The following PRKACB variants were observed in gnomAD, a reference collection of about 807,000 sequenced individuals.
PRKACB encodes cAMP-dependent protein kinase catalytic subunit beta.
In PRKACB, 16 loss-of-function variants were observed where a neutral mutation model predicts 51.4. The observed-to-expected ratio is 0.31, with a 90% CI of 0.21 to 0.47. The LOEUF (loss-of-function observed/expected upper bound fraction) is 0.47, where lower values mean the gene tolerates loss of function less well. PRKACB is among the 20% of genes least tolerant of loss of function. The pLI is 1.00. For missense variants in PRKACB, 309 were observed against 464.5 expected (o/e 0.67, Z 3.08); for synonymous variants, 147 against 154.4 (o/e 0.95, Z 0.35).
intron 1 of PRKACB, among the ~76,000 whole-genome samples, chr1:84,083,547 C>G (rs1557898015): frequency 6.6e-6 from 1 of 152,090 alleles, no homozygotes; most frequent in South Asian, 2.1e-4. Flanking sequence ...GTGAGAAGGT[C>G]CTAGATAAGC....
At chr1:84,145,347 A>G (rs1357182576) in intron 1 of PRKACB, among the ~76,000 whole-genome samples, 1 of 152,114 alleles carries the variant, frequency 6.6e-6, no homozygotes, top group Non-Finnish European at 1.5e-5. Context: ...TTAGAGGAAC[A>G]ATAGAATTAC....
Position 84,179,125 on chromosome 1 carries a change from A to G in PRKACB, c.188-52A>G, listed in dbSNP as rs536880870. ...ATATGCAATATAAATATTCTTATAC[A>G]GAATATAAATATTCTTACAAGATAA... On this transcript the variant is annotated intron_variant, in intron 1 of 9. Transcript: ENST00000370685. 2.9e-5 allele frequency: 43 copies of G among 1,497,240 alleles called. 1 individual carries two copies. In the East Asian group the frequency reaches 8.3e-4, roughly 29 times the overall value. 92.7% of individuals were successfully genotyped at this position (1,497,240 alleles called of 1,614,324 possible).
At chr1:84,222,383 A>G (rs761204809) in intron 9 of PRKACB, among the ~76,000 whole-genome samples, 2 of 152,146 alleles carry the variant, frequency 1.3e-5, no homozygotes, top group South Asian at 2.1e-4. Flanking sequence ...CAGACAGTCC[A>G]TATCTTTTAA....
intron 8 of PRKACB, chr1:84,204,588 C>CA: frequency 1.4e-6 from 2 of 1,412,766 alleles, no homozygotes; most frequent in East Asian, 5.0e-5. Context: ...GACTAAAGGT[C>CA]ATATGAAGAA....
At chr1:84,204,221 TTTTA>T (rs150047896) in intron 8 of PRKACB, among the ~76,000 whole-genome samples, 26,803 of 151,862 alleles carry the variant, frequency 0.18, 2,631 homozygotes, top group South Asian at 0.25. Context: ...ATGTAGAAAG[TTTTA>T]TTTATTATCA....
intron 1 of PRKACB, among the ~76,000 whole-genome samples, chr1:84,092,311 T>C (rs974968705): frequency 6.6e-6 from 1 of 152,216 alleles, no homozygotes; most frequent in Non-Finnish European, 1.5e-5. Context: ...CTTTCACTTA[T>C]GTATTTGTGA....
chr1:84,128,446 C>G (rs1021862948), intron 1 of PRKACB, among the ~76,000 whole-genome samples: 6 of 152,042 alleles, frequency 3.9e-5, no homozygotes, highest in Non-Finnish European at 7.4e-5. Context: ...TTTTCATGCT[C>G]ATATGTTATA....
chr1:84,207,134 G>A lies in PRKACB; in HGVS notation c.906+4329G>A, dbSNP rs531631940. 5.8e-4 allele frequency among the ~76,000 whole-genome samples: 88 copies of A among 152,228 alleles called. 1 individual carries two copies. The South Asian group carries it at 0.018, about 30-fold the overall frequency. On this transcript the variant is annotated intron_variant, in intron 8 of 9. Transcript: ENST00000370685. Reference sequence around the variant, plus strand: ...GGCCAGTTTTAAACACTTCACTGTGGCTATTTAAAATTCTTATTAATACCT... The same window carrying A: ...GGCCAGTTTTAAACACTTCACTGTGACTATTTAAAATTCTTATTAATACCT...
chr1:84,180,352 T>G (rs1662992764), intron 2 of PRKACB, among the ~76,000 whole-genome samples: 1 of 150,978 alleles, frequency 6.6e-6, no homozygotes, highest in African/African-American at 2.4e-5. Flanking sequence ...CTCACTGATA[T>G]GTGGGAGCTA....
intron 1 of PRKACB, among the ~76,000 whole-genome samples, chr1:84,147,297 T>G (rs1654233686): frequency 6.6e-6 from 1 of 152,010 alleles, no homozygotes. Context: ...CATAAAGTGG[T>G]TACAGTAGAC....
upstream of PRKACB, among the ~76,000 whole-genome samples, chr1:84,143,006 C>A (rs764503491): frequency 6.6e-6 from 1 of 152,044 alleles, no homozygotes; most frequent in East Asian, 1.9e-4. Context: ...TCCCTTCCCT[C>A]CCCTCCCCTC....
chr1:84,132,502 A>C (rs1652335055), intron 1 of PRKACB, among the ~76,000 whole-genome samples: 1 of 152,238 alleles, frequency 6.6e-6, no homozygotes. Flanking sequence ...GGCACACCTA[A>C]AGGCAAGAAA....
At chr1:84,078,303 C>A in exon 1 of PRKACB, 1 of 1,605,394 alleles carries the variant, frequency 6.2e-7, no homozygotes. Context: ...CTTCCCTGAC[C>A]CCTTCTTGCC....
At chr1:84,091,146 G>A (rs899400284) in intron 1 of PRKACB, among the ~76,000 whole-genome samples, 1 of 152,094 alleles carries the variant, frequency 6.6e-6, no homozygotes, top group African/African-American at 2.4e-5. Context: ...TGACTTTGGT[G>A]CCCAGGCAGG....
chr1:84,178,297 A>G (rs1005257044), intron 1 of PRKACB, among the ~76,000 whole-genome samples: 5 of 151,986 alleles, frequency 3.3e-5, no homozygotes, highest in Non-Finnish European at 7.4e-5. Context: ...ACAACAATAC[A>G]TTTTGTTAAT....
At chr1:84,125,920 C>T (rs1281841084) in intron 1 of PRKACB, among the ~76,000 whole-genome samples, 4 of 152,158 alleles carry the variant, frequency 2.6e-5, no homozygotes, top group East Asian at 1.9e-4. Context: ...TTGACCCCTT[C>T]GCGGGACTCA....
chr1:84,144,512 C>CATTT lies in PRKACB; in HGVS notation c.152_155dup (p.Phe52LeufsTer4). 1 of 1,610,640 alleles carries CATTT rather than the reference C, an allele frequency of 6.2e-7. No individual in the cohort carries two copies. The highest frequency in any genetic ancestry group is 8.5e-7 in the Non-Finnish European group (1 of 1,178,756). Reference sequence around the variant, plus strand: ...AACAGCTCTGGAAAATGACAGCCTTCATTTCTCTGAACATACTGCCTTATG... The same window carrying CATTT: ...AACAGCTCTGGAAAATGACAGCCTTCATTTATTTCTCTGAACATACTGCCTTATG... On this transcript the variant is annotated frameshift_variant, in exon 1 of 10. Transcript: ENST00000370685. LOFTEE classifies it high-confidence loss of function.
chr1:84,099,367 TATGTTA>T (rs1299945501), intron 1 of PRKACB, among the ~76,000 whole-genome samples: 2 of 123,228 alleles, frequency 1.6e-5, no homozygotes, highest in Non-Finnish European at 3.9e-5. Context: ...GACATAGTAG[TATGTTA>T]GTTTATATAT....
chr1:84,116,887 C>G (rs1650680499), intron 1 of PRKACB, among the ~76,000 whole-genome samples: 1 of 152,102 alleles, frequency 6.6e-6, no homozygotes. Context: ...GCATCCTGGT[C>G]TTGTTCTATT....
Sources: gnomAD v4.1 joint callset for allele counts (sites outside exome capture counted in the v4.1 genomes callset) on GRCh38, gnomAD v4.1.1 for gene constraint, MANE v1.5 for transcripts, NCBI Gene and HGNC (gene_info 2026-07-23, HGNC 2026-07-21) for gene names.